Variants in GDAP2 observed in about 807,000 individuals in gnomAD.
GDAP2 encodes ganglioside induced differentiation associated protein 2.
GDAP2 carries 51 observed loss-of-function variants against 67.0 expected under a neutral mutation model. The observed-to-expected ratio is 0.76, with a 90% CI of 0.61 to 0.96. The LOEUF is 0.96. Ranked by LOEUF, GDAP2 falls within the 40% of genes least tolerant of loss-of-function variation. The pLI, the probability that GDAP2 is intolerant of heterozygous loss-of-function variation, is 0.00. For synonymous variants in GDAP2, 203 were observed against 207.3 expected (o/e 0.98, Z 0.18); for missense variants, 547 against 588.3 (o/e 0.93, Z 0.73).
chr1:117,881,518 G>A (rs1648645468), intron 12 of GDAP2, among the ~76,000 whole-genome samples: 1 of 152,170 alleles, frequency 6.6e-6, no homozygotes, highest in African/African-American at 2.4e-5. Context: ...GGTCAAACAG[G>A]AGGTAGCCAT....
chr1:117,900,892 C>G (rs1377489930), intron 6 of GDAP2, among the ~76,000 whole-genome samples: 1 of 151,892 alleles, frequency 6.6e-6, no homozygotes, highest in South Asian at 2.1e-4. Flanking sequence ...AACCCCGTCT[C>G]TACTAAAAAT....
At chr1:117,908,278 T>C (rs1045218101) in intron 5 of GDAP2, among the ~76,000 whole-genome samples, 1 of 152,044 alleles carries the variant, frequency 6.6e-6, no homozygotes, top group South Asian at 2.1e-4. Flanking sequence ...TTACTTTAAT[T>C]TGGGGCCTAG....
At chr1:117,899,410 T>C (rs144813694) in intron 6 of GDAP2, among the ~76,000 whole-genome samples, 194 bp from the exon 7 acceptor site, 74 of 152,282 alleles carry the variant, frequency 4.9e-4, no homozygotes, top group Middle Eastern at 3.4e-3. Context: ...TATTGTTATC[T>C]AGCCAAGTTA....
chr1:117,883,676 C>A, intron 10 of GDAP2, 49 bp from the exon 11 acceptor site: 1 of 1,387,334 alleles, frequency 7.2e-7, no homozygotes, highest in South Asian at 1.2e-5. Flanking sequence ...GAACAGTAGT[C>A]TATTTCACAG....
At chr1:117,896,642 G>A in intron 8 of GDAP2, 191 bp downstream of exon 8, 2 of 431,322 alleles carry the variant, frequency 4.6e-6, no homozygotes, top group Middle Eastern at 6.0e-4. Context: ...CATATTAACT[G>A]TGGCCACTGA....
At chr1:117,880,199 A>G (rs1374056180) in intron 12 of GDAP2, among the ~76,000 whole-genome samples, 1 of 151,464 alleles carries the variant, frequency 6.6e-6, no homozygotes, top group Non-Finnish European at 1.5e-5. Context: ...AAGAGATGAG[A>G]AGAGAGAGAG....
chr1:117,904,281 GTCTT>G (rs938907648), intron 6 of GDAP2, among the ~76,000 whole-genome samples: 5 of 152,102 alleles, frequency 3.3e-5, no homozygotes, highest in Admixed American at 2.6e-4. Flanking sequence ...GAGCCATTGT[GTCTT>G]TCTAAGGACA....
At chr1:117,919,688 T>C (rs1052834511) in intron 2 of GDAP2, among the ~76,000 whole-genome samples, 4 of 152,216 alleles carry the variant, frequency 2.6e-5, no homozygotes, top group South Asian at 4.1e-4. Context: ...ATGAATTATA[T>C]TGTATATGAA....
At chr1:117,928,287 A>G (rs192377491) in intron 1 of GDAP2, among the ~76,000 whole-genome samples, 26 of 152,328 alleles carry the variant, frequency 1.7e-4, no homozygotes, top group African/African-American at 6.0e-4. Context: ...TCTTGACAAT[A>G]ATTATTTAGC....
rs1648216751 is a variant in GDAP2 at position 117,870,462 on chromosome 1, A to T, written c.*107T>A. 1.3e-6 allele frequency: 1 copy of T among 766,904 alleles called. No individual in the cohort carries two copies. Among genetic ancestry groups the T allele is most frequent in the Non-Finnish European group, 2.3e-6 (1 of 435,530 alleles). The allele number at this position is 766,904 out of a possible 1,614,324, so 47.5% of individuals were successfully genotyped here. ...AAAAAAATACCAGAGAGGTGGGGAC[A>T]AAAGGCTCTCTGGATCTGTACAGCA... On this transcript the variant is annotated 3_prime_UTR_variant, in exon 14 of 14. Coordinates refer to ENST00000369443, the MANE Select transcript of GDAP2 (RefSeq NM_017686.4).
rs767627368 is a variant in GDAP2, at chr1:117,899,226, A to C, written c.637-10T>G. 6.3e-7 allele frequency: 1 copy of C among 1,597,120 alleles called. No homozygotes were observed. The highest frequency in any genetic ancestry group is 1.1e-5 in the South Asian group (1 of 90,718). On this transcript the variant is annotated splice_polypyrimidine_tract_variant and intron_variant, in intron 6 of 13. Coordinates refer to ENST00000369443, the MANE Select transcript of GDAP2 (RefSeq NM_017686.4). ...GCTTTTGGTAAGTACCCTGTGTCAG[A>C]AAAGCAAGACATTCTGTGAAAAATA...
At position 117,906,508 on chromosome 1, in the gene GDAP2, C is replaced by T; in HGVS notation, c.634G>A (p.Glu212Lys). 1 of 1,525,604 alleles carries T rather than the reference C, an allele frequency of 6.6e-7. No individual in the cohort carries two copies. Among genetic ancestry groups the T allele is most frequent in the Non-Finnish European group, 9.0e-7 (1 of 1,107,090 alleles). The allele number at this position is 1,525,604 out of a possible 1,614,324, so 94.5% of individuals were successfully genotyped here. Residue 212 changes from glutamate to lysine, a missense_variant and splice_region_variant, in exon 6 of 14, where the codon GAG (glutamate) becomes AAG (lysine). Glu to Lys is a moderately conservative substitution (Grantham distance 56). Transcript: ENST00000369443. ...KVVFAVSDLE[E>K]GTYQKLLPLY... ...TAACGTAACAGTTAGCAAAATACCT[C>T]TTCAAGATCAGAGACAGCAAATACT...
intron 2 of GDAP2, 102 bp from the exon 3 acceptor site, chr1:117,918,838 T>C: frequency 3.0e-6 from 3 of 989,816 alleles, no homozygotes; most frequent in African/African-American, 1.7e-5. Context: ...TTTCAAAATG[T>C]TGGTTTTGCT....
At chr1:117,889,418 A>G (rs1648989931) in intron 8 of GDAP2, among the ~76,000 whole-genome samples, 1 of 151,956 alleles carries the variant, frequency 6.6e-6, no homozygotes, top group Admixed American at 6.6e-5. Context: ...TAAATCTCTT[A>G]TTCCTCTCGT....
intron 5 of GDAP2, among the ~76,000 whole-genome samples, chr1:117,910,729 A>G (rs932240763): frequency 6.6e-6 from 1 of 152,194 alleles, no homozygotes; most frequent in African/African-American, 2.4e-5. Context: ...ATGGTCCTGT[A>G]ACCTCTGCAT....
intron 1 of GDAP2, among the ~76,000 whole-genome samples, chr1:117,921,081 G>A (rs971222200): frequency 1.3e-5 from 2 of 152,194 alleles, no homozygotes; most frequent in Non-Finnish European, 2.9e-5. Context: ...AAGTACTAGA[G>A]AGAAGCAATG....
chr1:117,879,474 T>C (rs1030834922), intron 12 of GDAP2, among the ~76,000 whole-genome samples: 2 of 151,570 alleles, frequency 1.3e-5, no homozygotes, highest in African/African-American at 4.9e-5. Flanking sequence ...AGAATGATAA[T>C]GATGATGATG....
chr1:117,925,016 G>A (rs2208375), intron 1 of GDAP2, among the ~76,000 whole-genome samples: 88,837 of 152,010 alleles, frequency 0.58, 27,677 homozygotes, highest in African/African-American at 0.81. Flanking sequence ...AAAGCTCTTA[G>A]CTATAATCTA....
intron 11 of GDAP2, among the ~76,000 whole-genome samples, chr1:117,882,138 T>C (rs1172541817): frequency 6.6e-6 from 1 of 152,144 alleles, no homozygotes; most frequent in African/African-American, 2.4e-5. Context: ...AGTAAATTTG[T>C]ATTTAAGAAA....
Sources: allele counts gnomAD v4.1 joint callset (sites outside exome capture counted in the v4.1 genomes callset), GRCh38; gene constraint gnomAD v4.1.1; transcripts MANE v1.5; gene names NCBI Gene and HGNC (gene_info 2026-07-23, HGNC 2026-07-21).